ATRNL1: variants seen among roughly 807,000 people sequenced by gnomAD.
ATRNL1 encodes the protein attractin-like protein 1.
ATRNL1 carries 95 observed loss-of-function variants against 182.7 expected under a neutral mutation model. The observed-to-expected ratio is 0.52, with a 90% CI of 0.44 to 0.62. ATRNL1 has a LOEUF of 0.62. Ranked by LOEUF, ATRNL1 falls within the 20% of genes least tolerant of loss-of-function variation. ATRNL1 has a pLI of 0.00. For missense variants in ATRNL1, 1,471 were observed against 1,679.5 expected (o/e 0.88, Z 2.17); for synonymous variants, 576 against 568.3 (o/e 1.01, Z -0.19).
intron 26 of ATRNL1, among the ~76,000 whole-genome samples, chr10:115,556,102 G>T (rs17803175): frequency 0.16 from 23,682 of 151,784 alleles, 2,345 homozygotes; most frequent in South Asian, 0.24. Flanking sequence ...CACTTATAAT[G>T]TAACTTATGC....
chr10:115,204,139 G>A (rs781979055), intron 8 of ATRNL1, among the ~76,000 whole-genome samples: 11 of 151,726 alleles, frequency 7.2e-5, no homozygotes, highest in Non-Finnish European at 1.5e-4. Flanking sequence ...ATTTTTGTAC[G>A]TTTATTCATA....
At chr10:115,381,994 G>A (rs1554951273) in intron 19 of ATRNL1, among the ~76,000 whole-genome samples, 1 of 151,984 alleles carries the variant, frequency 6.6e-6, no homozygotes. Flanking sequence ...CCCTTGACAA[G>A]AATCAATTGG....
chr10:115,749,788 T>TA (rs1441770581), intron 27 of ATRNL1, among the ~76,000 whole-genome samples: 10 of 151,734 alleles, frequency 6.6e-5, no homozygotes, highest in Non-Finnish European at 1.3e-4. Flanking sequence ...ATCTCTAACA[T>TA]AAAAAAAATT....
intron 25 of ATRNL1, among the ~76,000 whole-genome samples, chr10:115,531,671 G>A (rs1207704006): frequency 6.0e-5 from 9 of 151,056 alleles, no homozygotes; most frequent in Admixed American, 5.9e-4. Flanking sequence ...TGTTGCCATT[G>A]CTTTTGGTGT....
rs61880803 is a variant in ATRNL1, at chr10:115,153,098, G to A, written c.830-6942G>A. Among the ~76,000 whole-genome samples, 799 of 152,264 alleles carry A rather than the reference G, an allele frequency of 5.2e-3. 2 individuals carry two copies. Among genetic ancestry groups the A allele is most frequent in the South Asian group, 0.018 (88 of 4,816 alleles). ...GATCATGGTGGATAAGCTTTTTGAT[G>A]TGTTGCTGGATTCGGTTTGCCAGGA... On this transcript the variant is annotated intron_variant, in intron 5 of 28. Transcript: ENST00000355044.
At chr10:115,667,282 T>TATC (rs1861054266) in intron 26 of ATRNL1, among the ~76,000 whole-genome samples, 1 of 152,230 alleles carries the variant, frequency 6.6e-6, no homozygotes, top group Non-Finnish European at 1.5e-5. Context: ...GTATATCAGT[T>TATC]ATCTATTGTG....
At chr10:115,761,941 A>G (rs1300906682) in intron 27 of ATRNL1, among the ~76,000 whole-genome samples, 1 of 152,192 alleles carries the variant, frequency 6.6e-6, no homozygotes, top group Non-Finnish European at 1.5e-5. Context: ...TGGAGATTTT[A>G]AGGAAGCTTA....
At chr10:115,915,565 TAGATA>T (rs1338464752) in intron 28 of ATRNL1, among the ~76,000 whole-genome samples, 5 of 152,176 alleles carry the variant, frequency 3.3e-5, no homozygotes, top group African/African-American at 1.2e-4. Context: ...GGTATATATA[TAGATA>T]AGATGCATAA....
At chr10:115,618,896 T>A (rs1366633984) in intron 26 of ATRNL1, among the ~76,000 whole-genome samples, 2 of 152,170 alleles carry the variant, frequency 1.3e-5, no homozygotes, top group Admixed American at 1.3e-4. Flanking sequence ...TCTTTAGGGT[T>A]TTTTGTGTTC....
chr10:115,423,476 T>G (rs1019186807), intron 20 of ATRNL1, among the ~76,000 whole-genome samples: 8 of 152,082 alleles, frequency 5.3e-5, no homozygotes, highest in African/African-American at 1.9e-4. Context: ...TGCAGTGAGC[T>G]GAGATTGCAC....
At chr10:115,126,356 C>T (rs1374076602) in intron 3 of ATRNL1, among the ~76,000 whole-genome samples, 1 of 152,054 alleles carries the variant, frequency 6.6e-6, no homozygotes, top group Non-Finnish European at 1.5e-5. Context: ...CTGCGCCTGG[C>T]CCAGACCTAT....
At chr10:115,611,730 A>G (rs1857168148) in intron 26 of ATRNL1, among the ~76,000 whole-genome samples, 1 of 152,162 alleles carries the variant, frequency 6.6e-6, no homozygotes, top group Non-Finnish European at 1.5e-5. Flanking sequence ...ATATTCTTTG[A>G]AACATAATTT....
In ATRNL1 at chr10:115,315,882, A is replaced by G. The variant is rs546016933; in HGVS notation, c.3037+146A>G. 80 of 658,970 alleles carry G rather than the reference A, an allele frequency of 1.2e-4. 1 individual carries two copies. In the East Asian group the frequency reaches 2.0e-3, roughly 17 times the overall value. The allele number at this position is 658,970 out of a possible 1,614,324, so 40.8% of individuals were successfully genotyped here. ...AATGTCAAAGATAAAAAATTATTCC[A>G]TAGACTATATCTATCTCAGTTTATG... is the stretch of plus-strand genomic sequence containing the variant. On this transcript the variant is annotated intron_variant, in intron 18 of 28. Coordinates refer to ENST00000355044, the MANE Select transcript of ATRNL1 (RefSeq NM_207303.4).
At chr10:115,713,299 A>T (rs1226422558) in intron 26 of ATRNL1, among the ~76,000 whole-genome samples, 2 of 152,180 alleles carry the variant, frequency 1.3e-5, no homozygotes, top group Admixed American at 1.3e-4. Context: ...TCTACCAGAT[A>T]CTTTCTAGAT....
intron 27 of ATRNL1, among the ~76,000 whole-genome samples, chr10:115,807,367 C>T (rs1949945847): frequency 6.6e-6 from 1 of 152,138 alleles, no homozygotes; most frequent in Non-Finnish European, 1.5e-5. Flanking sequence ...CCATCTGCCT[C>T]AGCCCCTAAA....
intron 15 of ATRNL1, among the ~76,000 whole-genome samples, chr10:115,286,728 A>G (rs1554919104): frequency 6.6e-6 from 1 of 151,966 alleles, no homozygotes; most frequent in Non-Finnish European, 1.5e-5. Flanking sequence ...AAAACTTTTC[A>G]GAGCAATTAT....
intron 22 of ATRNL1, among the ~76,000 whole-genome samples, chr10:115,464,496 A>G (rs1554970413): frequency 1.3e-5 from 2 of 151,946 alleles, no homozygotes; most frequent in African/African-American, 4.8e-5. Context: ...TACTGGAATA[A>G]CTACAGTGTC....
chr10:115,208,051 T>C (rs1300482740), intron 8 of ATRNL1, among the ~76,000 whole-genome samples: 2 of 152,034 alleles, frequency 1.3e-5, no homozygotes, highest in Non-Finnish European at 2.9e-5. Flanking sequence ...TTTTGGACAG[T>C]TTATATTTCT....
At chr10:115,565,311 A>G (rs1854011416) in intron 26 of ATRNL1, among the ~76,000 whole-genome samples, 1 of 152,060 alleles carries the variant, frequency 6.6e-6, no homozygotes, top group Non-Finnish European at 1.5e-5. Flanking sequence ...GCTTTAGATC[A>G]TGTTATAAAT....
Sources: gnomAD v4.1 joint callset for allele counts (sites outside exome capture counted in the v4.1 genomes callset) on GRCh38, gnomAD v4.1.1 for gene constraint, MANE v1.5 for transcripts, NCBI Gene and HGNC (gene_info 2026-07-23, HGNC 2026-07-21) for gene names.